The following SRRM4 variants were observed in gnomAD, a reference collection of about 807,000 sequenced individuals.
SRRM4 encodes the protein serine/arginine repetitive matrix 4, also known as serine/arginine repetitive matrix protein 4.
Under a neutral mutation model 68.9 loss-of-function variants are expected in SRRM4, and 33 were observed. That is an observed-to-expected ratio of 0.48 (90% CI 0.36 to 0.64). The LOEUF is 0.64. SRRM4 is among the 30% of genes least tolerant of loss of function. SRRM4 has a pLI of 0.00. For missense variants in SRRM4, 817 were observed against 827.1 expected (o/e 0.99, Z 0.15); for synonymous variants, 318 against 318.8 (o/e 1.00, Z 0.03).
At chr12:119,102,477 C>G in intron 2 of SRRM4, 95 bp downstream of exon 2, 2 of 963,490 alleles carry the variant, frequency 2.1e-6, no homozygotes, top group Middle Eastern at 3.1e-4. Context: ...GTTCCTCTTT[C>G]AAACCCTTAA....
chr12:119,125,437 G>T lies in SRRM4; in HGVS notation c.572G>T (p.Arg191Leu). The change falls in exon 7 of 13, where the codon CGG becomes CTG. Residue 191 changes from arginine to leucine, a missense_variant. Coordinates refer to ENST00000267260, the MANE Select transcript of SRRM4 (RefSeq NM_194286.4). ...HRHRHHRCPS[R>L]SQSSESRPSS... Reference sequence around the variant, plus strand: ...CACCGCCATCACCGCTGCCCCTCGCGGTCCCAGAGCTCGGAGTCCCGCCCC... The same window carrying T: ...CACCGCCATCACCGCTGCCCCTCGCTGTCCCAGAGCTCGGAGTCCCGCCCC... 6.2e-7 allele frequency: 1 copy of T among 1,613,314 alleles called. No individual in the cohort carries two copies. Among genetic ancestry groups the T allele is most frequent in the Non-Finnish European group, 8.5e-7 (1 of 1,179,708 alleles).
At chr12:119,147,367 G>A (rs1954410735) in intron 9 of SRRM4, among the ~76,000 whole-genome samples, 1 of 152,238 alleles carries the variant, frequency 6.6e-6, no homozygotes, top group South Asian at 2.1e-4. Context: ...ACTACTCTGT[G>A]TGACACTACA....
intron 1 of SRRM4, among the ~76,000 whole-genome samples, chr12:119,067,804 G>C (rs1480084116): frequency 6.6e-6 from 1 of 152,206 alleles, no homozygotes; most frequent in African/African-American, 2.4e-5. Context: ...ATGTGGCCTT[G>C]GGCCTGTGAT....
intron 1 of SRRM4, among the ~76,000 whole-genome samples, chr12:119,025,553 T>G (rs1438657973): frequency 6.6e-6 from 1 of 152,174 alleles, no homozygotes; most frequent in African/African-American, 2.4e-5. Flanking sequence ...CAAGTGATTC[T>G]CCTGCCTCAG....
chr12:119,106,047 C>A (rs1479615719), intron 2 of SRRM4, among the ~76,000 whole-genome samples: 1 of 152,200 alleles, frequency 6.6e-6, no homozygotes, highest in Non-Finnish European at 1.5e-5. Flanking sequence ...GTTTTCCCAG[C>A]ACCACTTATT....
At chr12:119,079,632 C>T (rs944023396) in intron 1 of SRRM4, among the ~76,000 whole-genome samples, 2 of 152,142 alleles carry the variant, frequency 1.3e-5, no homozygotes, top group Admixed American at 6.5e-5. Flanking sequence ...GCCCTGTGGT[C>T]GCACACTTTG....
intron 1 of SRRM4, among the ~76,000 whole-genome samples, chr12:119,029,685 C>T (rs1317842158): frequency 6.6e-6 from 1 of 152,136 alleles, no homozygotes; most frequent in African/African-American, 2.4e-5. Context: ...TAGAGAGTCA[C>T]CAACTCACTC....
chr12:119,114,304 C>A lies in SRRM4; in HGVS notation c.305C>A (p.Pro102Gln). 1 of 1,612,564 alleles carries A rather than the reference C, an allele frequency of 6.2e-7. No homozygotes were observed. Among genetic ancestry groups the A allele is most frequent in the Non-Finnish European group, 8.5e-7 (1 of 1,179,326 alleles). Reference sequence around the variant, plus strand: ...GCCTCTCATGACAAAGACTTGACACCACCACCTTCCTCCAGGGGAAAGAAG... The same window carrying A: ...GCCTCTCATGACAAAGACTTGACACAACCACCTTCCTCCAGGGGAAAGAAG... ...HSASHDKDLT[P>Q]PPSSRGKKKK... is the part of the protein sequence containing the mutation. Residue 102 changes from proline (P) to glutamine (Q), a missense_variant, in exon 3 of 13, where the codon CCA becomes CAA. By Grantham distance (76) the Pro-to-Gln change is moderately conservative. Transcript: ENST00000267260.
chr12:119,063,112 A>G (rs1158229165), intron 1 of SRRM4, among the ~76,000 whole-genome samples: 2 of 152,212 alleles, frequency 1.3e-5, no homozygotes, highest in East Asian at 1.9e-4. Flanking sequence ...CATTTAGAAA[A>G]CATTACTGGT....
At chr12:119,064,189 T>C (rs964675668) in intron 1 of SRRM4, among the ~76,000 whole-genome samples, 21 of 152,210 alleles carry the variant, frequency 1.4e-4, no homozygotes, top group African/African-American at 5.1e-4. Flanking sequence ...AACCCCATTA[T>C]TAATTCATTT....
intron 1 of SRRM4, among the ~76,000 whole-genome samples, chr12:118,985,809 T>C (rs1953278671): frequency 6.6e-6 from 1 of 152,230 alleles, no homozygotes; most frequent in African/African-American, 2.4e-5. Flanking sequence ...ACAATATGAT[T>C]TCATATCACC....
At chr12:119,046,031 C>T (rs1481930616) in intron 1 of SRRM4, among the ~76,000 whole-genome samples, 2 of 151,556 alleles carry the variant, frequency 1.3e-5, no homozygotes, top group Non-Finnish European at 2.9e-5. Context: ...AGCGAGATTC[C>T]ATCTCAAAAT....
intron 3 of SRRM4, among the ~76,000 whole-genome samples, chr12:119,115,459 G>A (rs544889147): frequency 6.6e-6 from 1 of 152,290 alleles, no homozygotes; most frequent in South Asian, 2.1e-4. Flanking sequence ...GCAAACTTCT[G>A]AGGCAGTATT....
At chr12:119,110,939 C>T (rs907424407) in intron 2 of SRRM4, among the ~76,000 whole-genome samples, 10 of 152,304 alleles carry the variant, frequency 6.6e-5, no homozygotes, top group South Asian at 2.1e-4. Flanking sequence ...TCTTCCTATT[C>T]GGCCACCTTG....
chr12:119,095,706 A>G (rs531651925), intron 1 of SRRM4, among the ~76,000 whole-genome samples: 1 of 152,190 alleles, frequency 6.6e-6, no homozygotes, highest in Non-Finnish European at 1.5e-5. Context: ...CTCTCCAAAC[A>G]CATAAGACCA....
Position 119,145,385 on chromosome 12 carries a change from C to T in SRRM4, c.776C>T (p.Thr259Ile), listed in dbSNP as rs774887712. 3 of 1,601,474 alleles carry T rather than the reference C, an allele frequency of 1.9e-6. No individual in the cohort carries two copies. Among genetic ancestry groups the T allele is most frequent in the Non-Finnish European group, 2.6e-6 (3 of 1,173,754 alleles). Reference sequence around the variant, plus strand: ...AACGGGTCTTTTTGCTTTCAGATCACTGGGTCGGGGTCTGCTGCTGACCTC... The same window carrying T: ...AACGGGTCTTTTTGCTTTCAGATCATTGGGTCGGGGTCTGCTGCTGACCTC... Reference protein sequence around the residue: ...LGYLSARGVITGSGSAADLFT... With the variant: ...LGYLSARGVIIGSGSAADLFT... Residue 259 changes from threonine (T) to isoleucine (I), a missense_variant, in exon 9 of 13, where the codon ACT (threonine) becomes ATT (isoleucine). Physicochemically the swap from Thr to Ile is moderately conservative, Grantham distance 89 (BLOSUM62 -1). Transcript: ENST00000267260.
chr12:119,130,648 G>T (rs1954291164), intron 7 of SRRM4, 30 bp from the exon 8 acceptor site: 2 of 1,594,788 alleles, frequency 1.3e-6, no homozygotes, highest in Non-Finnish European at 1.7e-6. Context: ...CCCTTCAAAA[G>T]ACCCTCAGGT....
In SRRM4 at chr12:119,052,689, G is replaced by A. The variant is rs142796159; in HGVS notation, c.132-49547G>A. Among the ~76,000 whole-genome samples, 1,459 of 151,922 alleles carry A rather than the reference G, an allele frequency of 9.6e-3. 20 individuals carry two copies. The highest frequency in any genetic ancestry group is 0.031 in the Middle Eastern group (9 of 294). ...GACTACAGGCACCCGCCACCACCCC[G>A]GACTAATTTTTTGTATTTTTAGTAG... On this transcript the variant is annotated intron_variant, in intron 1 of 12. Coordinates refer to ENST00000267260, the MANE Select transcript of SRRM4 (RefSeq NM_194286.4).
chr12:119,146,352 C>T (rs1276269277), intron 9 of SRRM4, among the ~76,000 whole-genome samples: 2 of 152,032 alleles, frequency 1.3e-5, no homozygotes, highest in East Asian at 1.9e-4. Flanking sequence ...TTTGGGAGGC[C>T]GAGGCGGGTG....
Sources: allele counts gnomAD v4.1 joint callset (sites outside exome capture counted in the v4.1 genomes callset), GRCh38; gene constraint gnomAD v4.1.1; transcripts MANE v1.5; gene names NCBI Gene and HGNC (gene_info 2026-07-23, HGNC 2026-07-21).